Variants in CLCA1 observed in about 807,000 individuals in gnomAD.
The protein encoded by CLCA1 is calcium-activated chloride channel regulator 1.
In CLCA1, 59 loss-of-function variants were observed where a neutral mutation model predicts 85.6. That is an observed-to-expected ratio of 0.69 (90% CI 0.56 to 0.86). The LOEUF is 0.86. Among genes scored for constraint, CLCA1 ranks in the 40% least tolerant of loss-of-function variants. The pLI, the probability that CLCA1 is intolerant of heterozygous loss-of-function variation, is 0.00. For synonymous variants in CLCA1, 396 were observed against 398.3 expected, an observed-to-expected ratio of 0.99 and a Z score of 0.07; for missense variants, 1,022 against 1,101.4, an observed-to-expected ratio of 0.93 and a Z score of 1.02.
intron 12 of CLCA1, 132 bp from the exon 13 acceptor site, chr1:86,498,440 A>C: frequency 1.3e-6 from 1 of 759,250 alleles, no homozygotes; most frequent in Non-Finnish European, 2.0e-6. Flanking sequence ...AAATATTTAA[A>C]ATTAATTCTG....
At chr1:86,494,778 T>C (rs1648229350) in intron 11 of CLCA1, among the ~76,000 whole-genome samples, 1 of 152,196 alleles carries the variant, frequency 6.6e-6, no homozygotes, top group African/African-American at 2.4e-5. Flanking sequence ...TATATACACA[T>C]ACATACATAC....
At chr1:86,482,663 C>T (rs1647851122) in intron 5 of CLCA1, among the ~76,000 whole-genome samples, 1 of 152,224 alleles carries the variant, frequency 6.6e-6, no homozygotes, top group African/African-American at 2.4e-5. Context: ...CAAGCACACA[C>T]ATTCTTACTT....
Position 86,494,436 on chromosome 1 carries a change from G to C in CLCA1, c.1930G>C (p.Asp644His). The change falls in exon 11 of 14, where the codon GAT (aspartate) becomes CAT (histidine). Residue 644 changes from aspartate to histidine, a missense_variant. Coordinates refer to ENST00000394711, the MANE Select transcript of CLCA1 (RefSeq NM_001285.4). ...AAAAACAGTTACCTTGGAACTACTG[G>C]ATAATGGAGCAGGTAATCACCCAAG... ...NGKTVTLELL[D>H]NGAGADATKD... The C allele has an allele frequency of 6.2e-7, 1 of 1,614,002 alleles. No individual in the cohort carries two copies. Among genetic ancestry groups the C allele is most frequent in the Non-Finnish European group, 8.5e-7 (1 of 1,179,860 alleles).
At chr1:86,469,819 C>T (rs1647448465) in intron 1 of CLCA1, among the ~76,000 whole-genome samples, 1 of 152,154 alleles carries the variant, frequency 6.6e-6, no homozygotes, top group Non-Finnish European at 1.5e-5. Context: ...GGCTGTAACA[C>T]ATCCAGAGGC....
chr1:86,500,118 AT>A lies in CLCA1; in HGVS notation c.*77del, dbSNP rs5744429. 0.077 allele frequency: 76,203 copies of A among 990,374 alleles called. 4,131 individuals carry two copies. Among genetic ancestry groups the A allele is most frequent in the East Asian group, 0.21 (8,044 of 38,230 alleles). The allele number at this position is 990,374 out of a possible 1,614,324, so 61.3% of individuals were successfully genotyped here. A position where few individuals can be genotyped will look rare whatever the true frequency, so the allele number is the denominator to read the frequency against. On this transcript the variant is annotated 3_prime_UTR_variant, in exon 14 of 14. Transcript: ENST00000394711. ...TTGATTATAAAATTTTCTAAAATGT[AT>A]TTTAGACTTCCTGTAGGGGGCGATA... is the stretch of plus-strand genomic sequence containing the variant.
chr1:86,476,850 A>G (rs775777131), intron 4 of CLCA1, among the ~76,000 whole-genome samples: 7 of 152,076 alleles, frequency 4.6e-5, no homozygotes, highest in Non-Finnish European at 8.8e-5. Context: ...ATCATCCCAT[A>G]CCAGCATCAG....
chr1:86,484,852 A>G (rs1647919706), intron 5 of CLCA1, among the ~76,000 whole-genome samples: 1 of 152,102 alleles, frequency 6.6e-6, no homozygotes, highest in Non-Finnish European at 1.5e-5. Context: ...GATGGGAGAA[A>G]AGTGATAAGG....
chr1:86,499,777 T>C lies in CLCA1; in HGVS notation c.2477T>C (p.Leu826Ser), dbSNP rs774000380. 6.2e-6 allele frequency: 10 copies of C among 1,614,132 alleles called. No individual in the cohort carries two copies. Among genetic ancestry groups the C allele is most frequent in the Admixed American group, 5.0e-5 (3 of 60,032 alleles). ...PKEANSEEVF[L>S]FKPENITFEN... is the part of the protein sequence containing the mutation. Reference sequence around the variant, plus strand: ...GAAGCCAACTCTGAGGAAGTCTTTTTGTTTAAACCAGAAAACATTACTTTT... The same window carrying C: ...GAAGCCAACTCTGAGGAAGTCTTTTCGTTTAAACCAGAAAACATTACTTTT... Residue 826 changes from leucine (L) to serine (S), a missense_variant, in exon 14 of 14, where the codon TTG (leucine) becomes TCG (serine). Transcript: ENST00000394711.
chr1:86,499,939 C>T lies in CLCA1; in HGVS notation c.2639C>T (p.Thr880Met), dbSNP rs138720154. 150 of 1,613,316 alleles carry T rather than the reference C, an allele frequency of 9.3e-5. No homozygotes were observed. The African/African-American group carries it at 1.2e-3, about 13-fold the overall frequency. Residue 880 changes from threonine to methionine, a missense_variant, in exon 14 of 14, where the codon ACG becomes ATG. Coordinates refer to ENST00000394711, the MANE Select transcript of CLCA1 (RefSeq NM_001285.4). The stretch of plus-strand genomic sequence containing the variant: ...CCAGAGACACCTAGTCCTGATGAAA[C>T]GTCTGCTCCTTGTCCTAATATTCAT... ...TPPETPSPDE[T>M]SAPCPNIHIN...
chr1:86,482,893 T>C (rs1259838030), intron 5 of CLCA1, among the ~76,000 whole-genome samples: 2 of 152,204 alleles, frequency 1.3e-5, no homozygotes, highest in African/African-American at 4.8e-5. Flanking sequence ...TTCTTAATTT[T>C]TTTAATGAAT....
intron 9 of CLCA1, 99 bp downstream of exon 9, chr1:86,491,470 T>C: frequency 2.8e-6 from 2 of 706,046 alleles, no homozygotes; most frequent in Non-Finnish European, 4.7e-6. Flanking sequence ...ACTCTTCTGG[T>C]ACTGAATTAA....
intron 6 of CLCA1, 72 bp from the exon 7 acceptor site, chr1:86,486,454 T>C (rs923256042): frequency 7.1e-7 from 1 of 1,413,176 alleles, no homozygotes; most frequent in Non-Finnish European, 9.8e-7. Flanking sequence ...ACTTCCAAAT[T>C]CCCTATGGCC....
intron 12 of CLCA1, 42 bp downstream of exon 12, chr1:86,495,717 T>G: frequency 6.4e-7 from 1 of 1,554,232 alleles, no homozygotes; most frequent in Non-Finnish European, 8.7e-7. Flanking sequence ...TGCAAAAGCA[T>G]TGGTTTCAAG....
chr1:86,473,698 G>A (rs1647562343), intron 2 of CLCA1, 31 bp from the exon 3 acceptor site: 1 of 1,550,634 alleles, frequency 6.4e-7, no homozygotes, highest in African/African-American at 1.4e-5. Context: ...CTGAAACTTT[G>A]TGATGATAGA....
At chr1:86,472,462 T>C (rs561781652) in intron 1 of CLCA1, among the ~76,000 whole-genome samples, 1 of 152,288 alleles carries the variant, frequency 6.6e-6, no homozygotes, top group Admixed American at 6.5e-5. Context: ...TCCCCCACAT[T>C]CCCTGGGCTC....
chr1:86,498,750 C>T lies in CLCA1; in HGVS notation c.2292C>T (p.His764=), dbSNP rs111699179. 8.1e-5 allele frequency: 130 copies of T among 1,614,022 alleles called. 1 individual carries two copies. The East Asian group carries it at 2.3e-3, about 29-fold the overall frequency. The part of the protein sequence containing the change: ...GQITDLKAEI[H]GGSLINLTWT... ...TCACCGACCTGAAGGCGGAAATTCA[C>T]GGGGGCAGTCTCATTAATCTGACTT... The change falls in exon 13 of 14, where the codon CAC becomes CAT. Residue 764 remains histidine (H), a synonymous_variant. Transcript: ENST00000394711.
At chr1:86,498,850 C>A in intron 13 of CLCA1, 39 bp downstream of exon 13, 1 of 1,582,238 alleles carries the variant, frequency 6.3e-7, no homozygotes, top group South Asian at 1.2e-5. Context: ...AAAGAGTTTA[C>A]CAGCCAAGTA....
Position 86,498,824 on chromosome 1 carries a change from T to G in CLCA1, c.2353+13T>G. On this transcript the variant is annotated intron_variant, in intron 13 of 13. Transcript: ENST00000394711. Reference sequence around the variant, plus strand: ...GACCATGGAACAGGTAAGCTGAACCTGGTGTGGACCCTGTAAAAGAGTTTA... The same window carrying G: ...GACCATGGAACAGGTAAGCTGAACCGGGTGTGGACCCTGTAAAAGAGTTTA... 1 of 1,606,980 alleles carries G rather than the reference T, an allele frequency of 6.2e-7. No homozygotes were observed. The highest frequency in any genetic ancestry group is 8.5e-7 in the Non-Finnish European group (1 of 1,175,110).
In CLCA1 at chr1:86,469,078, T is replaced by A. The variant is rs1206133474; in HGVS notation, c.107T>A (p.Val36Asp). The part of the protein sequence containing the change: ...QLNNNGYEGI[V>D]VAIDPNVPED... ...AACAACAATGGCTATGAAGGCATTG[T>A]CGTTGCAATCGACCCCAATGTGCCA... The change falls in exon 1 of 14, where the codon GTC (valine) becomes GAC (aspartate). Residue 36 changes from valine (V) to aspartate (D), a missense_variant. By Grantham distance (152) the Val-to-Asp change is radical. Transcript: ENST00000394711. 3 of 1,612,642 alleles carry A rather than the reference T, an allele frequency of 1.9e-6. No individual in the cohort carries two copies. The South Asian group carries it at 3.3e-5, about 18-fold the overall frequency.
Sources: allele counts gnomAD v4.1 joint callset (sites outside exome capture counted in the v4.1 genomes callset), GRCh38; gene constraint gnomAD v4.1.1; transcripts MANE v1.5; gene names NCBI Gene and HGNC (gene_info 2026-07-23, HGNC 2026-07-21).